Variants in TRIO observed in about 807,000 individuals in gnomAD.
TRIO encodes the protein trio Rho guanine nucleotide exchange factor.
Under a neutral mutation model 351.9 loss-of-function variants are expected in TRIO, and 58 were observed. The observed-to-expected ratio is 0.16, with a 90% confidence interval of 0.13 to 0.21. The LOEUF (loss-of-function observed/expected upper bound fraction) is 0.21. Among genes scored for constraint, TRIO ranks in the 10% least tolerant of loss-of-function variants. The pLI is 1.00. For synonymous variants in TRIO, 1,758 were observed against 1,595.7 expected, an observed-to-expected ratio of 1.10 and a Z score of -2.42; for missense variants, 3,201 against 4,027.8, an observed-to-expected ratio of 0.79 and a Z score of 5.56.
intron 33 of TRIO, among the ~76,000 whole-genome samples, chr5:14,417,794 A>G (rs189981601): frequency 6.6e-6 from 1 of 152,334 alleles, no homozygotes; most frequent in East Asian, 1.9e-4. Flanking sequence ...TTTCAAATGC[A>G]TTGCCTTCAT....
intron 9 of TRIO, among the ~76,000 whole-genome samples, chr5:14,320,542 A>G (rs1739789885): frequency 6.6e-6 from 1 of 152,058 alleles, no homozygotes; most frequent in Non-Finnish European, 1.5e-5. Context: ...CCCCCTTGCA[A>G]GTGTCTCTTG....
intron 21 of TRIO, among the ~76,000 whole-genome samples, chr5:14,383,411 A>C (rs1429564141): frequency 6.6e-6 from 1 of 152,180 alleles, no homozygotes; most frequent in African/African-American, 2.4e-5. Flanking sequence ...TGATGTACAC[A>C]TGACTATTTG....
At chr5:14,357,482 C>T (rs1345574913) in intron 11 of TRIO, among the ~76,000 whole-genome samples, 2 of 152,160 alleles carry the variant, frequency 1.3e-5, no homozygotes, top group Non-Finnish European at 2.9e-5. Context: ...TCATTCTTGC[C>T]ACTCTCATTC....
chr5:14,286,798 C>T lies in TRIO; in HGVS notation c.348-73C>T. Reference sequence around the variant, plus strand: ...GGGGAGGGAAGCTGGGTCTGTGGCACCCAGTGGGACTCTGACCAGGCAGAG... The same window carrying T: ...GGGGAGGGAAGCTGGGTCTGTGGCATCCAGTGGGACTCTGACCAGGCAGAG... On this transcript the variant is annotated intron_variant, in intron 3 of 56. Coordinates refer to ENST00000344204, the MANE Select transcript of TRIO (RefSeq NM_007118.4). This position sits in a 1 kb window ranked among gnomAD's most constrained non-coding sequence, Gnocchi z 4.4. 2.0e-6 allele frequency: 3 copies of T among 1,516,556 alleles called. No individual in the cohort carries two copies. The highest frequency in any genetic ancestry group is 2.7e-6 in the Non-Finnish European group (3 of 1,123,446). The allele number at this position is 1,516,556 out of a possible 1,614,324, so 93.9% of individuals were successfully genotyped here.
chr5:14,389,206 G>T lies in TRIO; in HGVS notation c.3949-83G>T, dbSNP rs1242956128. 9 of 1,009,500 alleles carry T rather than the reference G, an allele frequency of 8.9e-6. 1 individual carries two copies. In the South Asian group the frequency reaches 1.3e-4, roughly 15 times the overall value. The allele number at this position is 1,009,500 out of a possible 1,614,324, so 62.5% of individuals were successfully genotyped here. On this transcript the variant is annotated intron_variant, in intron 24 of 56. Coordinates refer to ENST00000344204, the MANE Select transcript of TRIO (RefSeq NM_007118.4). Reference sequence around the variant, plus strand: ...ATACTTTCACTTATACATTAACTCTGTGTGTTTACAGATGTCAGAAACAGC... The same window carrying T: ...ATACTTTCACTTATACATTAACTCTTTGTGTTTACAGATGTCAGAAACAGC...
At chr5:14,144,367 C>A (rs1455923934) in intron 1 of TRIO, among the ~76,000 whole-genome samples, 1 of 152,210 alleles carries the variant, frequency 6.6e-6, no homozygotes, top group Non-Finnish European at 1.5e-5. Flanking sequence ...TGTACCTGGA[C>A]CCTCCTCGAC....
intron 27 of TRIO, among the ~76,000 whole-genome samples, chr5:14,392,265 T>C (rs1301067203): frequency 6.7e-6 from 1 of 148,402 alleles, no homozygotes; most frequent in African/African-American, 2.5e-5. Context: ...TATCAAAAAG[T>C]GGGCGAAGGA....
In TRIO at chr5:14,443,476, A is replaced by G. The variant is rs540092802; in HGVS notation, c.5204-17543A>G. Among the ~76,000 whole-genome samples, 8 of 152,334 alleles carry G rather than the reference A, an allele frequency of 5.3e-5. No individual in the cohort carries two copies. In the South Asian group the frequency reaches 1.2e-3, roughly 24 times the overall value. ...TTATGGGGAAATACATATGCATCAC[A>G]TTTTAAAAGGAAGAATGATTCTGGG... On this transcript the variant is annotated intron_variant, in intron 34 of 56. Coordinates refer to ENST00000344204, the MANE Select transcript of TRIO (RefSeq NM_007118.4).
chr5:14,443,122 ATT>A (rs1279461252), intron 34 of TRIO, among the ~76,000 whole-genome samples: 7 of 152,084 alleles, frequency 4.6e-5, no homozygotes, highest in Non-Finnish European at 1.0e-4. Context: ...GTGCTGTTAC[ATT>A]TTTTGTTTCT....
In TRIO at chr5:14,290,080, T is replaced by G. The variant is rs190293667; in HGVS notation, c.541-636T>G. Among the ~76,000 whole-genome samples, 19 of 152,336 alleles carry G rather than the reference T, an allele frequency of 1.2e-4. No individual in the cohort carries two copies. The East Asian group carries it at 3.7e-3, about 29-fold the overall frequency. Reference sequence around the variant, plus strand: ...TGAATATTTTCTAAATTTTTATAAATTCATTCATATCCCATCATCTGTTAT... The same window carrying G: ...TGAATATTTTCTAAATTTTTATAAAGTCATTCATATCCCATCATCTGTTAT... On this transcript the variant is annotated intron_variant, in intron 4 of 56. Transcript: ENST00000344204.
intron 1 of TRIO, among the ~76,000 whole-genome samples, chr5:14,145,534 G>C (rs371487675): frequency 2.6e-5 from 4 of 151,092 alleles, no homozygotes; most frequent in Admixed American, 2.6e-4. Flanking sequence ...TGGCCAGATA[G>C]AGCAGCCCCG....
intron 1 of TRIO, among the ~76,000 whole-genome samples, chr5:14,231,531 C>A (rs1793427034): frequency 6.6e-6 from 1 of 152,156 alleles, no homozygotes; most frequent in East Asian, 1.9e-4. Flanking sequence ...GTTGTTAACA[C>A]CTCTCTCTGG....
chr5:14,430,004 G>A (rs970754191), intron 34 of TRIO, among the ~76,000 whole-genome samples: 2 of 152,004 alleles, frequency 1.3e-5, no homozygotes. Context: ...CAGGGACATC[G>A]GGCTGGGATC....
At chr5:14,161,823 C>G (rs1788475761) in intron 1 of TRIO, among the ~76,000 whole-genome samples, 1 of 152,164 alleles carries the variant, frequency 6.6e-6, no homozygotes. Context: ...ACCTTGTGGG[C>G]TCAGGCGATC....
At chr5:14,488,445 C>T (rs575705042) in intron 48 of TRIO, 185 bp downstream of exon 48, 31 of 811,370 alleles carry the variant, frequency 3.8e-5, no homozygotes, top group Admixed American at 1.5e-4. Flanking sequence ...CTACTCCTTG[C>T]TTTGTTCGTG....
At chr5:14,303,884 A>G (rs1395039718) in intron 7 of TRIO, among the ~76,000 whole-genome samples, 1 of 152,100 alleles carries the variant, frequency 6.6e-6, no homozygotes, top group Non-Finnish European at 1.5e-5. Flanking sequence ...GTCTCCTTTT[A>G]ATTCTGGTGT....
chr5:14,482,766 G>A lies in TRIO; in HGVS notation c.6650G>A (p.Ser2217Asn), dbSNP rs756113889. 3 of 1,588,756 alleles carry A rather than the reference G, an allele frequency of 1.9e-6. No individual in the cohort carries two copies. Among genetic ancestry groups the A allele is most frequent in the Admixed American group, 1.7e-5 (1 of 57,966 alleles). Residue 2217 changes from serine to asparagine, a missense_variant, in exon 46 of 57, where the codon AGT (serine) becomes AAT (asparagine). Physicochemically the swap from Ser to Asn is conservative, Grantham distance 46. This residue lies in a region of TRIO where 1,089 missense variants were observed against 954.9 expected (regional missense o/e 1.14). Transcript: ENST00000344204. ...FSMPGFLFKN[S>N]IKVSCLCLEE... ...ATGCCGGGATTCCTGTTTAAGAACA[G>A]TATCAAGGTAACGTGTGTCTCTGTG...
chr5:14,479,815 T>C (rs1361339898), intron 42 of TRIO, 104 bp from the exon 43 acceptor site: 1 of 1,030,904 alleles, frequency 9.7e-7, no homozygotes, highest in Non-Finnish European at 1.4e-6. Context: ...TTTTCCTCGT[T>C]ACTTTTACTG....
At chr5:14,409,011 G>A (rs948483633) in intron 33 of TRIO, among the ~76,000 whole-genome samples, 1 of 152,088 alleles carries the variant, frequency 6.6e-6, no homozygotes, top group Non-Finnish European at 1.5e-5. Context: ...GGATAAATGG[G>A]TGCCTGGGAG....
Sources: allele counts gnomAD v4.1 joint callset (sites outside exome capture counted in the v4.1 genomes callset), GRCh38; gene constraint gnomAD v4.1.1; regional missense constraint gnomAD v4.1.1; non-coding constraint Gnocchi (gnomAD v3.1); transcripts MANE v1.5; gene names NCBI Gene and HGNC (gene_info 2026-07-23, HGNC 2026-07-21).